The following MAMDC2 variants were observed in gnomAD, a reference collection of about 807,000 sequenced individuals.
The protein encoded by MAMDC2 is MAM domain containing 2, also known as MAM domain-containing protein 2.
MAMDC2 carries 57 observed loss-of-function variants against 89.8 expected under a neutral mutation model. That is an observed-to-expected ratio of 0.63 (90% CI 0.51 to 0.79). The LOEUF (loss-of-function observed/expected upper bound fraction) is 0.79. Ranked by LOEUF, MAMDC2 falls within the 30% of genes least tolerant of loss-of-function variation. The probability of loss-of-function intolerance (pLI) is 0.00; values close to 1 mark genes in which losing one functional copy is unlikely to be tolerated. For synonymous variants in MAMDC2, 313 were observed against 293.4 expected, an observed-to-expected ratio of 1.07 and a Z score of -0.68; for missense variants, 800 against 820.6, an observed-to-expected ratio of 0.97 and a Z score of 0.31.
At chr9:70,217,842 C>T (rs1376727178) in intron 11 of MAMDC2, among the ~76,000 whole-genome samples, 1 of 152,196 alleles carries the variant, frequency 6.6e-6, no homozygotes, top group Non-Finnish European at 1.5e-5. Context: ...ATTTAATTCT[C>T]ACAATTCTGT....
chr9:70,061,001 G>C (rs574416607), intron 2 of MAMDC2, among the ~76,000 whole-genome samples: 1 of 152,184 alleles, frequency 6.6e-6, no homozygotes, highest in African/African-American at 2.4e-5. Flanking sequence ...GAAAAAGAAA[G>C]CCAATGAATG....
intron 12 of MAMDC2, among the ~76,000 whole-genome samples, chr9:70,222,170 A>G (rs973287760): frequency 2.0e-5 from 3 of 152,186 alleles, no homozygotes; most frequent in African/African-American, 7.2e-5. Context: ...GATGACTCCA[A>G]AGCTTTTGGC....
At chr9:70,144,343 A>C (rs114065947) in intron 9 of MAMDC2, among the ~76,000 whole-genome samples, 3,227 of 152,300 alleles carry the variant, frequency 0.021, 134 homozygotes, top group African/African-American at 0.074. Context: ...GCCAGAGAGA[A>C]TTTACATAAG....
At chr9:70,111,499 G>C (rs1485778701) in intron 4 of MAMDC2, among the ~76,000 whole-genome samples, 1 of 152,102 alleles carries the variant, frequency 6.6e-6, no homozygotes, top group Non-Finnish European at 1.5e-5. Context: ...CTATGTCATG[G>C]GGCTGCTTTG....
Position 70,113,037 on chromosome 9 carries a change from G to T in MAMDC2, c.548G>T (p.Arg183Leu), listed in dbSNP as rs368927463. ...EENHLCGFVN[R>L]WNPNVNWFVG... is the part of the protein sequence containing the mutation. ...AATCATCTCTGTGGCTTTGTGAACC[G>T]CTGGAATCCCAATGTGAACTGGTTT... Residue 183 changes from arginine to leucine, a missense_variant, in exon 5 of 14, where the codon CGC becomes CTC. Coordinates refer to ENST00000377182, the MANE Select transcript of MAMDC2 (RefSeq NM_153267.5). 1.2e-6 allele frequency: 2 copies of T among 1,614,124 alleles called. No homozygotes were observed. Among genetic ancestry groups the T allele is most frequent in the South Asian group, 1.1e-5 (1 of 91,080 alleles).
chr9:70,049,421 C>T (rs1275260275), intron 2 of MAMDC2, among the ~76,000 whole-genome samples: 2 of 152,086 alleles, frequency 1.3e-5, no homozygotes. Context: ...TCTTGAGGCT[C>T]AGCTAGAGCC....
Position 70,140,204 on chromosome 9 carries a change from T to C in MAMDC2, c.1054T>C (p.Tyr352His), listed in dbSNP as rs1225139308. ...CNFEQDLCNF[Y>H]QDKEGPGWTR... is the part of the protein sequence containing the mutation. Reference sequence around the variant, plus strand: ...TTTTGAGCAAGATCTCTGCAACTTTTACCAAGATAAAGAAGGTCCAGGTTG... The same window carrying C: ...TTTTGAGCAAGATCTCTGCAACTTTCACCAAGATAAAGAAGGTCCAGGTTG... Residue 352 changes from tyrosine to histidine, a missense_variant, in exon 8 of 14, where the codon TAC becomes CAC. By Grantham distance (83) the Tyr-to-His change is moderately conservative (BLOSUM62 2). Transcript: ENST00000377182. 1 of 1,595,926 alleles carries C rather than the reference T, an allele frequency of 6.3e-7. No homozygotes were observed. The highest frequency in any genetic ancestry group is 2.3e-5 in the East Asian group (1 of 43,862).
rs573876926 is a variant in MAMDC2, at chr9:70,051,129, G to T, written c.148+6432G>T. Among the ~76,000 whole-genome samples the T allele has an allele frequency of 7.9e-5, 12 of 152,270 alleles. No individual in the cohort carries two copies. In the East Asian group the frequency reaches 2.1e-3, roughly 27 times the overall value. ...TTGGCCTTCCTGTCAATCAGTCTGG[G>T]TGCTTGAGTTCTCTTGCCTGACCCC... On this transcript the variant is annotated intron_variant, in intron 2 of 13. Transcript: ENST00000377182.
chr9:70,135,214 T>C (rs1326296858), intron 7 of MAMDC2, among the ~76,000 whole-genome samples: 2 of 152,232 alleles, frequency 1.3e-5, no homozygotes, highest in African/African-American at 4.8e-5. Context: ...CTTTTTTTCT[T>C]GATCATCAAC....
intron 11 of MAMDC2, among the ~76,000 whole-genome samples, chr9:70,184,052 A>C (rs1440484535): frequency 6.6e-6 from 1 of 152,174 alleles, no homozygotes; most frequent in Non-Finnish European, 1.5e-5. Context: ...TGCTTCCTTC[A>C]GGAGCTCTTG....
intron 11 of MAMDC2, among the ~76,000 whole-genome samples, chr9:70,202,394 T>A (rs1313011596): frequency 6.6e-6 from 1 of 152,148 alleles, no homozygotes; most frequent in East Asian, 1.9e-4. Context: ...TGAGTTCTAG[T>A]TTGATTGCAC....
chr9:70,126,425 C>G lies in MAMDC2; in HGVS notation c.900+10C>G. The stretch of plus-strand genomic sequence containing the variant: ...TCCTTACCCCATGGAGGTAGGTGTA[C>G]TGGTGCGCACCAGCTGTTCACTGGC... On this transcript the variant is annotated intron_variant, in intron 6 of 13. Transcript: ENST00000377182. 6.2e-7 allele frequency: 1 copy of G among 1,607,086 alleles called. No homozygotes were observed. The highest frequency in any genetic ancestry group is 8.5e-7 in the Non-Finnish European group (1 of 1,175,740).
At chr9:70,103,851 G>A (rs543831851) in intron 2 of MAMDC2, among the ~76,000 whole-genome samples, 44 of 152,010 alleles carry the variant, frequency 2.9e-4, no homozygotes, top group African/African-American at 7.2e-4. Context: ...GCGTGGCAGC[G>A]TACACCTGTA....
intron 6 of MAMDC2, among the ~76,000 whole-genome samples, chr9:70,130,159 T>G (rs2030738369): frequency 6.6e-6 from 1 of 150,658 alleles, no homozygotes; most frequent in Non-Finnish European, 1.5e-5. Context: ...GCGGTGACCC[T>G]ATTCCCAAAT....
intron 2 of MAMDC2, chr9:70,062,572 C>T (rs550313100): frequency 6.6e-6 from 1 of 152,310 alleles, no homozygotes; most frequent in African/African-American, 2.4e-5. Context: ...ATTTGGGACA[C>T]TACTTAGCCA....
chr9:70,128,636 A>G (rs1217889540), intron 6 of MAMDC2, among the ~76,000 whole-genome samples: 1 of 152,156 alleles, frequency 6.6e-6, no homozygotes, highest in Non-Finnish European at 1.5e-5. Context: ...TAGAAGTTCA[A>G]GAGGGAGTCA....
In MAMDC2 at chr9:70,116,239, A is replaced by G. The variant is rs192926665; in HGVS notation, c.643+3107A>G. Reference sequence around the variant, plus strand: ...CAAGAGGTAGCTGGCTGGGGAGAACATATATTTCTTGGAAGAGGCAACAGA... The same window carrying G: ...CAAGAGGTAGCTGGCTGGGGAGAACGTATATTTCTTGGAAGAGGCAACAGA... On this transcript the variant is annotated intron_variant, in intron 5 of 13. Transcript: ENST00000377182. Among the ~76,000 whole-genome samples, 10 of 152,324 alleles carry G rather than the reference A, an allele frequency of 6.6e-5. No homozygotes were observed. In the East Asian group the frequency reaches 1.9e-3, roughly 29 times the overall value.
chr9:70,197,414 A>AACAT (rs1314741987), intron 11 of MAMDC2, among the ~76,000 whole-genome samples: 1 of 152,142 alleles, frequency 6.6e-6, no homozygotes, highest in East Asian at 1.9e-4. Context: ...GAAATGGAAG[A>AACAT]ACATATTGAA....
At chr9:70,058,806 A>G (rs1326152732) in intron 2 of MAMDC2, among the ~76,000 whole-genome samples, 1 of 152,204 alleles carries the variant, frequency 6.6e-6, no homozygotes, top group Non-Finnish European at 1.5e-5. Context: ...TCCCATACAC[A>G]GGGAGAATTG....
Sources: gnomAD v4.1 joint callset for allele counts (sites outside exome capture counted in the v4.1 genomes callset) on GRCh38, gnomAD v4.1.1 for gene constraint, MANE v1.5 for transcripts, NCBI Gene and HGNC (gene_info 2026-07-23, HGNC 2026-07-21) for gene names.